The following PCDHGA3 variants were observed in gnomAD, a reference collection of about 807,000 sequenced individuals.
PCDHGA3 encodes protocadherin gamma-A3.
Under a neutral mutation model 58.5 loss-of-function variants are expected in PCDHGA3, and 40 were observed. The ratio of observed to expected loss-of-function variants is 0.68; its 90% CI spans 0.53 to 0.89. PCDHGA3 has a LOEUF of 0.89. Among genes scored for constraint, PCDHGA3 ranks in the 40% least tolerant of loss-of-function variants. PCDHGA3 has a pLI of 0.00. For missense variants in PCDHGA3, 1,223 were observed against 1,195.9 expected (o/e 1.02, Z -0.33); for synonymous variants, 530 against 525.7 (o/e 1.01, Z -0.11).
intron 1 of PCDHGA3, chr5:141,384,489 A>G: frequency 6.2e-7 from 1 of 1,614,168 alleles, no homozygotes. Flanking sequence ...AACTACAACT[A>G]AGAGTGACTG....
At chr5:141,419,757 G>A (rs1468216226) in intron 1 of PCDHGA3, 5 of 1,613,876 alleles carry the variant, frequency 3.1e-6, no homozygotes, top group African/African-American at 1.3e-5. Flanking sequence ...CGTGCTTTGG[G>A]TGACAAGGAC....
intron 1 of PCDHGA3, chr5:141,409,550 C>T (rs764101999): frequency 1.9e-6 from 3 of 1,613,992 alleles, no homozygotes; most frequent in African/African-American, 2.7e-5. Context: ...CGACAACGCC[C>T]CAGTTTTCGA....
In PCDHGA3 at chr5:141,485,896, C is replaced by T; in HGVS notation, c.2425-8911C>T. On this transcript the variant is annotated intron_variant, in intron 1 of 3. Coordinates refer to ENST00000253812, the MANE Select transcript of PCDHGA3 (RefSeq NM_018916.4). The surrounding 1 kb of genome is among the most constrained non-coding windows in gnomAD (Gnocchi z 5.7). ...TGGACGTAAACGACAACGCCCCAGC[C>T]TTCCAGCAATCCAGCTACAGGATTA... 6.2e-7 allele frequency: 1 copy of T among 1,614,190 alleles called. No individual in the cohort carries two copies. The highest frequency in any genetic ancestry group is 8.5e-7 in the Non-Finnish European group (1 of 1,180,042).
intron 1 of PCDHGA3, chr5:141,370,622 C>A (rs756641778): frequency 1.9e-6 from 3 of 1,613,902 alleles, no homozygotes; most frequent in Non-Finnish European, 2.5e-6. Flanking sequence ...AATTCTTTAC[C>A]GTGAGCCCCG....
rs201412037 is a variant in PCDHGA3, at chr5:141,421,093, A to G, written c.2425-73714A>G. The G allele has an allele frequency of 3.5e-5, 23 of 665,630 alleles. No homozygotes were observed. In the East Asian group the frequency reaches 6.2e-4, roughly 18 times the overall value. 41.2% of individuals were successfully genotyped at this position (665,630 alleles called of 1,614,324 possible). On this transcript the variant is annotated intron_variant, in intron 1 of 3. Coordinates refer to ENST00000253812, the MANE Select transcript of PCDHGA3 (RefSeq NM_018916.4). ...GAGATGGATACTCACAGATCCTGAC[A>G]CTGGAGACTTAGAAGTATTTTCCTT... is the stretch of plus-strand genomic sequence containing the variant.
At chr5:141,351,988 C>G in intron 1 of PCDHGA3, 1 of 1,611,428 alleles carries the variant, frequency 6.2e-7, no homozygotes, top group Non-Finnish European at 8.5e-7. Context: ...TGGTGCCACG[C>G]GCCGCAGAGC....
At position 141,487,025 on chromosome 5, in the gene PCDHGA3, C is replaced by T. The variant is rs769789352; in HGVS notation, c.2425-7782C>T. On this transcript the variant is annotated intron_variant, in intron 1 of 3. Transcript: ENST00000253812. This position sits in a 1 kb window ranked among gnomAD's most constrained non-coding sequence, Gnocchi z 5.0. ...GCTCCTGGAGGCCCCAGATCCCAGCCTGTTTGCAGTCTCTCGATATGCTGG... is the reference window on the plus strand; with the variant it reads ...GCTCCTGGAGGCCCCAGATCCCAGCTTGTTTGCAGTCTCTCGATATGCTGG... 1.9e-6 allele frequency: 3 copies of T among 1,614,216 alleles called. No homozygotes were observed. Among genetic ancestry groups the T allele is most frequent in the Non-Finnish European group, 2.5e-6 (3 of 1,180,050 alleles).
Position 141,346,330 on chromosome 5 carries a change from G to A in PCDHGA3, c.2297G>A (p.Ser766Asn). The A allele has an allele frequency of 1.2e-6, 2 of 1,614,238 alleles. No homozygotes were observed. The highest frequency in any genetic ancestry group is 1.7e-6 in the Non-Finnish European group (2 of 1,180,044). The change falls in exon 1 of 4, where the codon AGC becomes AAC. Residue 766 changes from serine to asparagine, a missense_variant. Around this residue, in one of 3 missense-constraint regions of PCDHGA3, gnomAD observed 325 missense variants for 327.5 expected, o/e 0.99. Coordinates refer to ENST00000253812, the MANE Select transcript of PCDHGA3 (RefSeq NM_018916.4). ...TCCCTCACTGCGGACTCGCGGAAGA[G>A]CCACCTGATTTTCCCCCAGCCCAAC... Reference protein sequence around the residue: ...EVSLTADSRKSHLIFPQPNYA... With the variant: ...EVSLTADSRKNHLIFPQPNYA...
intron 1 of PCDHGA3, chr5:141,411,968 T>C (rs1257112227): frequency 6.6e-6 from 1 of 152,260 alleles, no homozygotes; most frequent in Non-Finnish European, 1.5e-5. Flanking sequence ...GATAAAATCT[T>C]TGAAGAGTTC....
intron 1 of PCDHGA3, chr5:141,433,359 CT>C: frequency 8.7e-6 from 2 of 228,708 alleles, no homozygotes; most frequent in Non-Finnish European, 1.6e-5. Context: ...TACTGTCTGC[CT>C]ATCTATCTAT....
chr5:141,512,712 A>G lies in PCDHGA3; in HGVS notation c.*1539A>G, dbSNP rs1362654237. 1 of 152,806 alleles carries G rather than the reference A, an allele frequency of 6.5e-6. No homozygotes were observed. The highest frequency in any genetic ancestry group is 2.4e-5 in the African/African-American group (1 of 41,414). 9.5% of individuals were successfully genotyped at this position (152,806 alleles called of 1,614,324 possible). On this transcript the variant is annotated 3_prime_UTR_variant, in exon 4 of 4. Coordinates refer to ENST00000253812, the MANE Select transcript of PCDHGA3 (RefSeq NM_018916.4). Reference sequence around the variant, plus strand: ...GTGTAGTGCGGTGTGCTTTTACGTGATGGCGGGTGGGCAGCGGGCGGCGGG... The same window carrying G: ...GTGTAGTGCGGTGTGCTTTTACGTGGTGGCGGGTGGGCAGCGGGCGGCGGG...
chr5:141,394,208 C>A (rs972602841), intron 1 of PCDHGA3: 6 of 1,613,930 alleles, frequency 3.7e-6, no homozygotes, highest in Non-Finnish European at 5.1e-6. Context: ...TAGAGAACAA[C>A]CTGAGAGGAG....
At chr5:141,357,391 AGGTTGGC>A in intron 1 of PCDHGA3, 1 of 1,614,230 alleles carries the variant, frequency 6.2e-7, no homozygotes, top group Non-Finnish European at 8.5e-7. Flanking sequence ...TGAAGGCAGC[AGGTTGGC>A]AGGTGTGCCT....
chr5:141,356,397 A>G (rs746367214), intron 1 of PCDHGA3: 3 of 1,582,770 alleles, frequency 1.9e-6, no homozygotes, highest in African/African-American at 2.7e-5. Flanking sequence ...AGACCTATGG[A>G]AATTATTATC....
intron 1 of PCDHGA3, chr5:141,393,493 G>A (rs1034199960): frequency 6.2e-7 from 1 of 1,614,046 alleles, no homozygotes; most frequent in Non-Finnish European, 8.5e-7. Context: ...AGCACAGTGC[G>A]CATCCACGTG....
chr5:141,383,553 C>T (rs765903383), intron 1 of PCDHGA3: 3 of 1,612,130 alleles, frequency 1.9e-6, no homozygotes, highest in South Asian at 2.2e-5. Flanking sequence ...CTGATGGCGG[C>T]GACCCGCCCC....
intron 1 of PCDHGA3, chr5:141,392,842 G>A: frequency 6.2e-7 from 1 of 1,609,312 alleles, no homozygotes. Flanking sequence ...CGCCCCAGAC[G>A]CGGCGAGCTG....
At chr5:141,395,346 T>C in intron 1 of PCDHGA3, 1 of 1,396,344 alleles carries the variant, frequency 7.2e-7, no homozygotes. Context: ...TTAAGGTGTA[T>C]CACAGAGTTT....
At chr5:141,366,481 G>A (rs1055854699) in intron 1 of PCDHGA3, 23 of 1,614,260 alleles carry the variant, frequency 1.4e-5, no homozygotes, top group Non-Finnish European at 1.9e-5. Flanking sequence ...TCAGACTGAG[G>A]CGCTGGCACA....
Sources: gnomAD v4.1 joint callset for allele counts on GRCh38, gnomAD v4.1.1 for gene constraint, gnomAD v4.1.1 regional missense constraint, Gnocchi (gnomAD v3.1) non-coding constraint, MANE v1.5 for transcripts, NCBI Gene and HGNC (gene_info 2026-07-23, HGNC 2026-07-21) for gene names.